The following FAM131B variants were observed in gnomAD, a reference collection of about 807,000 sequenced individuals.
The protein encoded by FAM131B is family with sequence similarity 131 member B, also known as protein FAM131B.
Under a neutral mutation model 42.0 loss-of-function variants are expected in FAM131B, and 19 were observed. The observed-to-expected ratio is 0.45, with a 90% CI of 0.32 to 0.66. FAM131B has a LOEUF of 0.66. Among genes scored for constraint, FAM131B ranks in the 30% least tolerant of loss-of-function variants. The probability of loss-of-function intolerance (pLI) is 0.05; values close to 1 mark genes in which losing one functional copy is unlikely to be tolerated. For missense variants in FAM131B, 370 were observed against 468.4 expected, an observed-to-expected ratio of 0.79 and a Z score of 1.94; for synonymous variants, 183 against 177.6, an observed-to-expected ratio of 1.03 and a Z score of -0.24.
chr7:143,364,858 G>A (rs140539569), upstream of FAM131B, among the ~76,000 whole-genome samples: 1 of 152,082 alleles, frequency 6.6e-6, no homozygotes, highest in Admixed American at 6.5e-5. Context: ...TTGGCGGGGG[G>A]GTTCTCTAAT....
chr7:143,373,837 G>A, the FAM131B span, among the ~76,000 whole-genome samples: 78 of 152,260 alleles, frequency 5.1e-4, no homozygotes, highest in African/African-American at 1.7e-3. Flanking sequence ...GTCTCCAGGC[G>A]AGCAACTGTG....
At chr7:143,371,646 A>G in the FAM131B span, among the ~76,000 whole-genome samples, 1 of 151,856 alleles carries the variant, frequency 6.6e-6, no homozygotes, top group Non-Finnish European at 1.5e-5. Context: ...AGAAAAGAAA[A>G]AAAGAAAGGA....
At chr7:143,370,449 G>A in the FAM131B span, among the ~76,000 whole-genome samples, 8 of 152,316 alleles carry the variant, frequency 5.3e-5, no homozygotes, top group African/African-American at 1.4e-4. Context: ...GTTCCCAGAC[G>A]GTTATGGCAT....
At chr7:143,369,568 G>A in the FAM131B span, among the ~76,000 whole-genome samples, 25 of 151,940 alleles carry the variant, frequency 1.6e-4, no homozygotes, top group East Asian at 4.3e-3. Context: ...CTAGCTACTC[G>A]GGAGGCTGAG....
chr7:143,372,099 G>A, the FAM131B span, among the ~76,000 whole-genome samples: 10 of 152,208 alleles, frequency 6.6e-5, no homozygotes, highest in Non-Finnish European at 1.0e-4. Context: ...TGGGAGAGTG[G>A]ATGGAAAAAC....
Position 143,356,718 on chromosome 7 carries a change from C to T in FAM131B, c.915G>A (p.Lys305=), listed in dbSNP as rs768104998. The T allele has an allele frequency of 1.9e-6, 3 of 1,614,060 alleles. No homozygotes were observed. The East Asian group carries it at 6.7e-5, about 36-fold the overall frequency. The change falls in exon 7 of 7, where the codon AAG becomes AAA. Residue 305 remains lysine (K), a synonymous_variant. Transcript: ENST00000443739. The surrounding 1 kb of genome is among the most constrained non-coding windows in gnomAD (Gnocchi z 4.4). ...CTTCCTCCTCAGGTGCCAATGGCCT[C>T]TTCTCCTCCTCAGCAGGGCCCCTTG... ...DLARGPAEEE[K]RPLAPEEEED... is the part of the protein sequence containing the mutation.
chr7:143,372,801 A>T, the FAM131B span, among the ~76,000 whole-genome samples: 1 of 152,084 alleles, frequency 6.6e-6, no homozygotes, highest in Non-Finnish European at 1.5e-5. Flanking sequence ...TCTACTAAAA[A>T]TACAAAAATT....
upstream of FAM131B, among the ~76,000 whole-genome samples, chr7:143,366,603 G>T (rs1804187190): frequency 2.0e-5 from 3 of 149,638 alleles, no homozygotes; most frequent in South Asian, 6.3e-4. Flanking sequence ...TATCACCCAG[G>T]CTGGAGTGCA....
In FAM131B at chr7:143,359,747, G is replaced by C. The variant is rs1177304046; in HGVS notation, c.159C>G (p.Ser53=). ...CTGCACTCACGTTGATGCCGTCCCA[G>C]GAGAAATCAGTTCGAGTTTGCTGTG... ...PSTEQTRTDF[S]WDGINLSMED... is the part of the protein sequence containing the mutation. The change falls in exon 3 of 7, where the codon TCC becomes TCG. Residue 53 remains serine (S), a synonymous_variant. Transcript: ENST00000443739. This position sits in a 1 kb window ranked among gnomAD's most constrained non-coding sequence, Gnocchi z 5.4. The C allele has an allele frequency of 1.3e-6, 2 of 1,571,280 alleles. No homozygotes were observed. Among genetic ancestry groups the C allele is most frequent in the East Asian group, 4.7e-5 (2 of 42,802 alleles).
the FAM131B span, chr7:143,380,352 G>A: frequency 1.0e-6 from 1 of 985,132 alleles, no homozygotes; most frequent in Non-Finnish European, 1.2e-6. This position sits in a 1 kb window ranked among gnomAD's most constrained non-coding sequence, Gnocchi z 5.0. Flanking sequence ...ACCAAGCGCA[G>A]TCTCAGAATG....
At chr7:143,374,369 T>C in the FAM131B span, among the ~76,000 whole-genome samples, 1 of 152,104 alleles carries the variant, frequency 6.6e-6, no homozygotes, top group Non-Finnish European at 1.5e-5. Flanking sequence ...TGTGGACGAG[T>C]TCATGTCCTA....
In FAM131B at chr7:143,353,556, T is replaced by C. The variant is rs780793914; in HGVS notation, c.*2994A>G. The C allele has an allele frequency of 4.6e-5, 7 of 152,542 alleles. No individual in the cohort carries two copies. The highest frequency in any genetic ancestry group is 7.2e-5 in the African/African-American group (3 of 41,416). The allele number at this position is 152,542 out of a possible 1,614,324, so 9.4% of individuals were successfully genotyped here. A position where few individuals can be genotyped will look rare whatever the true frequency, so the allele number is the denominator to read the frequency against. ...ATGCCCTTGTGTACATAATCTCTAA[T>C]ATTTATATATATTGATATAGAATTC... On this transcript the variant is annotated 3_prime_UTR_variant, in exon 7 of 7. Coordinates refer to ENST00000443739, the MANE Select transcript of FAM131B (RefSeq NM_001031690.3).
intron 1 of FAM131B, chr7:143,361,498 AC>A (rs1408251176): frequency 6.6e-6 from 1 of 151,964 alleles, no homozygotes; most frequent in Non-Finnish European, 1.5e-5. Flanking sequence ...ATGGAAATAA[AC>A]CGGGTCTCAG....
At position 143,362,298 on chromosome 7, in the gene FAM131B, G is replaced by A. The variant is rs1804038998; in HGVS notation, c.28+278C>T. On this transcript the variant is annotated intron_variant, in intron 1 of 6. Coordinates refer to ENST00000443739, the MANE Select transcript of FAM131B (RefSeq NM_001031690.3). This position sits in a 1 kb window ranked among gnomAD's most constrained non-coding sequence, Gnocchi z 7.7. Reference sequence around the variant, plus strand: ...GCGTCGGGCCGAGAGGCAGAGGAGAGGAGGGCGATGGAGAGGATGGAGAGG... The same window carrying A: ...GCGTCGGGCCGAGAGGCAGAGGAGAAGAGGGCGATGGAGAGGATGGAGAGG... Among the ~76,000 whole-genome samples the A allele has an allele frequency of 6.6e-6, 1 of 152,184 alleles. No homozygotes were observed. Among genetic ancestry groups the A allele is most frequent in the Non-Finnish European group, 1.5e-5 (1 of 68,028 alleles).
chr7:143,362,628 C>A lies in FAM131B; in HGVS notation c.-25G>T, dbSNP rs1403416404. 5.0e-6 allele frequency: 6 copies of A among 1,206,406 alleles called. No individual in the cohort carries two copies. Among genetic ancestry groups the A allele is most frequent in the Non-Finnish European group, 6.2e-6 (6 of 970,934 alleles). 74.7% of individuals were successfully genotyped at this position (1,206,406 alleles called of 1,614,324 possible). On this transcript the variant is annotated 5_prime_UTR_variant, in exon 1 of 7. Transcript: ENST00000443739. The surrounding 1 kb of genome is among the most constrained non-coding windows in gnomAD (Gnocchi z 7.7). The stretch of plus-strand genomic sequence containing the variant: ...TGGCTCCGGGGGCCGCAGAGCCGGG[C>A]CCTCACCGACTCGGGGCGCGCGCCG...
Position 143,359,952 on chromosome 7 carries a change from G to A in FAM131B, c.138+88C>T. 1 of 1,070,784 alleles carries A rather than the reference G, an allele frequency of 9.3e-7. No homozygotes were observed. The highest frequency in any genetic ancestry group is 2.5e-5 in the East Asian group (1 of 39,510). The allele number at this position is 1,070,784 out of a possible 1,614,324, so 66.3% of individuals were successfully genotyped here. On this transcript the variant is annotated intron_variant, in intron 2 of 6. Coordinates refer to ENST00000443739, the MANE Select transcript of FAM131B (RefSeq NM_001031690.3). The surrounding 1 kb of genome is among the most constrained non-coding windows in gnomAD (Gnocchi z 5.4). ...GTTGTGAGAAATGTTCTGTAGAAGT[G>A]TCAGTCTGAAGGAGTGTTTGGGTTG... is the stretch of plus-strand genomic sequence containing the variant.
At chr7:143,380,737 G>A in the FAM131B span, 9 of 985,442 alleles carry the variant, frequency 9.1e-6, no homozygotes, top group Non-Finnish European at 1.1e-5. The surrounding 1 kb of genome is among the most constrained non-coding windows in gnomAD (Gnocchi z 5.0). Context: ...CACAGAGTCA[G>A]CTGGGGGGTG....
Position 143,354,070 on chromosome 7 carries a change from G to GC in FAM131B, c.*2479dup, listed in dbSNP as rs1392565539. 8.2e-6 allele frequency: 1 copy of GC among 121,630 alleles called. No individual in the cohort carries two copies. The highest frequency in any genetic ancestry group is 9.9e-5 in the Admixed American group (1 of 10,112). The allele number at this position is 121,630 out of a possible 1,614,324, so 7.5% of individuals were successfully genotyped here. Reference sequence around the variant, plus strand: ...GAAATAGACGATAAGCAACCCCCATGCACCCTGCCCCCAGCACCAGAAGAG... The same window carrying GC: ...GAAATAGACGATAAGCAACCCCCATGCCACCCTGCCCCCAGCACCAGAAGAG... On this transcript the variant is annotated 3_prime_UTR_variant, in exon 7 of 7. Coordinates refer to ENST00000443739, the MANE Select transcript of FAM131B (RefSeq NM_001031690.3).
chr7:143,381,730 G>T, the FAM131B span: 1 of 1,599,796 alleles, frequency 6.3e-7, no homozygotes. Context: ...CCGGGGCCCA[G>T]CGCGCACAGA....
Sources: allele counts gnomAD v4.1 joint callset (sites outside exome capture counted in the v4.1 genomes callset), GRCh38; gene constraint gnomAD v4.1.1; non-coding constraint Gnocchi (gnomAD v3.1); transcripts MANE v1.5; gene names NCBI Gene and HGNC (gene_info 2026-07-23, HGNC 2026-07-21).